Variants in SLC9B2 observed in about 807,000 individuals in gnomAD.
The protein encoded by SLC9B2 is solute carrier family 9 member B2, also known as sodium/hydrogen exchanger 9B2.
In SLC9B2, 39 loss-of-function variants were observed where a neutral mutation model predicts 52.2. The ratio of observed to expected loss-of-function variants is 0.75; its 90% CI spans 0.58 to 0.98. The LOEUF (loss-of-function observed/expected upper bound fraction) is 0.98. SLC9B2 is among the 50% of genes least tolerant of loss of function. SLC9B2 has a pLI of 0.00. For missense variants in SLC9B2, 626 were observed against 637.5 expected, an observed-to-expected ratio of 0.98 and a Z score of 0.19; for synonymous variants, 214 against 227.0, an observed-to-expected ratio of 0.94 and a Z score of 0.51.
At chr4:103,046,661 AAGTCTCCACACATCTTTTG>A (rs1416865202) in intron 7 of SLC9B2, among the ~76,000 whole-genome samples, 13 of 148,932 alleles carry the variant, frequency 8.7e-5, no homozygotes, top group African/African-American at 3.2e-4. Context: ...ATTTTGTGTG[AAGTCTCCACACATCTTTTG>A]TGTGAAGTCT....
intron 10 of SLC9B2, 124 bp downstream of exon 10, chr4:103,031,576 A>C (rs1175491036): frequency 1.7e-6 from 1 of 589,798 alleles, no homozygotes; most frequent in Non-Finnish European, 2.9e-6. Context: ...TAATTGTGAC[A>C]ATAGTAACCA....
downstream of SLC9B2, chr4:103,020,314 C>T (rs764948922): frequency 3.0e-5 from 13 of 437,424 alleles, no homozygotes; most frequent in East Asian, 7.2e-5. Flanking sequence ...GAAATGAAAG[C>T]GGAGCTGCGT....
intron 3 of SLC9B2, among the ~76,000 whole-genome samples, chr4:103,064,080 G>A (rs1402207661): frequency 6.6e-6 from 1 of 152,154 alleles, no homozygotes; most frequent in Non-Finnish European, 1.5e-5. Flanking sequence ...ATGGAAAATG[G>A]TATGGAGAGT....
At chr4:103,026,675 A>G in intron 11 of SLC9B2, 84 bp from the exon 12 acceptor site, 3 of 1,276,058 alleles carry the variant, frequency 2.4e-6, no homozygotes, top group Non-Finnish European at 3.2e-6. Context: ...TTGCAAAAGC[A>G]AATTGCTTGT....
intron 3 of SLC9B2, among the ~76,000 whole-genome samples, chr4:103,060,636 T>A (rs1229058899): frequency 6.6e-6 from 1 of 151,828 alleles, no homozygotes; most frequent in East Asian, 1.9e-4. Flanking sequence ...CCCTTGGAAC[T>A]TTGTCTAAAA....
chr4:103,038,078 T>C (rs1261178334), intron 9 of SLC9B2, among the ~76,000 whole-genome samples: 9 of 152,026 alleles, frequency 5.9e-5, no homozygotes, highest in Admixed American at 3.9e-4. Context: ...CCTAGGCTGG[T>C]CTCAAACTCC....
chr4:103,074,074 G>C (rs578222595), intron 1 of SLC9B2, among the ~76,000 whole-genome samples: 1 of 152,174 alleles, frequency 6.6e-6, no homozygotes, highest in African/African-American at 2.4e-5. Flanking sequence ...TCTTAATAAA[G>C]ACAGAGAGAG....
intron 9 of SLC9B2, among the ~76,000 whole-genome samples, chr4:103,038,252 A>G (rs1008805038): frequency 1.3e-5 from 2 of 152,198 alleles, no homozygotes; most frequent in Non-Finnish European, 2.9e-5. Flanking sequence ...GCCATGAATA[A>G]TTGTTTAAGA....
intron 8 of SLC9B2, among the ~76,000 whole-genome samples, 153 bp downstream of exon 8, chr4:103,044,737 C>T (rs1743956750): frequency 6.6e-6 from 1 of 152,196 alleles, no homozygotes. Flanking sequence ...ATTGAGCCCA[C>T]TTCATAAATC....
intron 3 of SLC9B2, among the ~76,000 whole-genome samples, chr4:103,064,766 T>G (rs1436380283): frequency 6.6e-6 from 1 of 152,154 alleles, no homozygotes; most frequent in African/African-American, 2.4e-5. Context: ...TGTACAAATA[T>G]GTGTCAAAAA....
At chr4:103,070,134 T>C (rs1200357372) in intron 1 of SLC9B2, among the ~76,000 whole-genome samples, 1 of 152,214 alleles carries the variant, frequency 6.6e-6, no homozygotes, top group African/African-American at 2.4e-5. Flanking sequence ...GTAAGAGATC[T>C]TACAACTAGT....
At chr4:103,027,803 TA>T (rs1299177215) in intron 11 of SLC9B2, among the ~76,000 whole-genome samples, 1 of 152,132 alleles carries the variant, frequency 6.6e-6, no homozygotes, top group Non-Finnish European at 1.5e-5. Context: ...GAAAGTCTGA[TA>T]GGGGTGAGGG....
intron 1 of SLC9B2, among the ~76,000 whole-genome samples, chr4:103,071,412 C>T (rs1327777964): frequency 1.4e-5 from 2 of 147,208 alleles, no homozygotes; most frequent in African/African-American, 2.5e-5. Flanking sequence ...AGGAGTCTCA[C>T]TCTGTCACCA....
chr4:103,030,190 GATAA>G (rs1742574148), intron 10 of SLC9B2, among the ~76,000 whole-genome samples: 1 of 152,092 alleles, frequency 6.6e-6, no homozygotes, highest in Non-Finnish European at 1.5e-5. Flanking sequence ...TTGATTTAGA[GATAA>G]ATAGTTTGGA....
chr4:103,039,649 C>CTTTTT (rs11464004), intron 9 of SLC9B2, among the ~76,000 whole-genome samples: 1 of 129,180 alleles, frequency 7.7e-6, no homozygotes, highest in African/African-American at 2.9e-5. Context: ...ATGGTATATT[C>CTTTTT]TTTTTTTTTT....
intron 8 of SLC9B2, among the ~76,000 whole-genome samples, chr4:103,044,346 G>A (rs1035399164): frequency 6.6e-6 from 1 of 152,188 alleles, no homozygotes; most frequent in Non-Finnish European, 1.5e-5. Context: ...CTATAGCCAC[G>A]TGTAGCTAGT....
intron 3 of SLC9B2, among the ~76,000 whole-genome samples, chr4:103,061,448 G>A (rs189331488): frequency 1.3e-5 from 2 of 152,054 alleles, no homozygotes; most frequent in East Asian, 3.9e-4. Context: ...TCATAGGTGG[G>A]AATTGAACAA....
At chr4:103,047,388 T>G (rs1041973701) in intron 6 of SLC9B2, among the ~76,000 whole-genome samples, 162 bp from the exon 7 acceptor site, 1 of 150,954 alleles carries the variant, frequency 6.6e-6, no homozygotes, top group African/African-American at 2.4e-5. Context: ...TTGTTTTTTG[T>G]TTTTTTTTCT....
intron 10 of SLC9B2, among the ~76,000 whole-genome samples, chr4:103,029,219 AATG>A (rs1373408943): frequency 6.6e-6 from 1 of 152,146 alleles, no homozygotes; most frequent in Non-Finnish European, 1.5e-5. Context: ...GATATGATTA[AATG>A]ATAAGTAATA....
Sources: allele counts gnomAD v4.1 joint callset (sites outside exome capture counted in the v4.1 genomes callset), GRCh38; gene constraint gnomAD v4.1.1; transcripts MANE v1.5; gene names NCBI Gene and HGNC (gene_info 2026-07-23, HGNC 2026-07-21).